DAB1: variants seen among roughly 807,000 people sequenced by gnomAD.
DAB1 encodes the protein disabled homolog 1.
A neutral mutation model predicts 64.6 loss-of-function variants in DAB1; 15 were observed. That is an observed-to-expected ratio of 0.23 (90% CI 0.16 to 0.36). DAB1 has a LOEUF of 0.36. Ranked by LOEUF, DAB1 falls within the 10% of genes least tolerant of loss-of-function variation. DAB1 has a pLI of 1.00. For synonymous variants in DAB1, 235 were observed against 251.9 expected, an observed-to-expected ratio of 0.93 and a Z score of 0.64; for missense variants, 596 against 706.7, an observed-to-expected ratio of 0.84 and a Z score of 1.78.
At chr1:57,447,394 G>A (rs1686181235) in intron 7 of DAB1, among the ~76,000 whole-genome samples, 1 of 152,206 alleles carries the variant, frequency 6.6e-6, no homozygotes, top group Non-Finnish European at 1.5e-5. Context: ...TCTAAAGAGA[G>A]AGATCCTTGT....
At chr1:57,953,363 G>A (rs1645318345) in intron 5 of DAB1, among the ~76,000 whole-genome samples, 1 of 152,136 alleles carries the variant, frequency 6.6e-6, no homozygotes, top group Non-Finnish European at 1.5e-5. Flanking sequence ...TTTGAGTTTT[G>A]TTTATTGCCT....
chr1:58,103,826 G>C (rs1458240799), intron 5 of DAB1, among the ~76,000 whole-genome samples: 3 of 152,004 alleles, frequency 2.0e-5, no homozygotes, highest in Admixed American at 1.3e-4. Flanking sequence ...CAGTCTTTTT[G>C]TCCATTCCTC....
chr1:57,588,622 G>A lies in DAB1; in HGVS notation n.625+60970C>T, dbSNP rs1349138722. Among the ~76,000 whole-genome samples, 3 of 152,104 alleles carry A rather than the reference G, an allele frequency of 2.0e-5. No homozygotes were observed. In the South Asian group the frequency reaches 6.2e-4, roughly 32 times the overall value. ...AATAAAGAAAATCATTTGAATCTTG[G>A]CAAATATTGAAATCTAGAGGCTCAT... On this transcript the variant is annotated intron_variant and non_coding_transcript_variant, in intron 7 of 20. Coordinates refer to the DAB1 transcript ENST00000485760.
At chr1:58,048,274 G>A in intron 5 of DAB1, 2 of 1,285,564 alleles carry the variant, frequency 1.6e-6, no homozygotes, top group Non-Finnish European at 2.2e-6. Flanking sequence ...CACCGCCATA[G>A]GGGCCAGAGC....
At chr1:57,058,757 C>T (rs1027434276) in intron 9 of DAB1, among the ~76,000 whole-genome samples, 3 of 152,220 alleles carry the variant, frequency 2.0e-5, no homozygotes, top group Non-Finnish European at 2.9e-5. Flanking sequence ...CTCAAGGTCA[C>T]ATAGCCAGTA....
intron 6 of DAB1, among the ~76,000 whole-genome samples, chr1:57,776,992 C>T (rs777916955): frequency 2.0e-5 from 3 of 151,168 alleles, no homozygotes; most frequent in Non-Finnish European, 4.4e-5. Context: ...GTATTCTGTA[C>T]TTTTGGCAAC....
intron 6 of DAB1, among the ~76,000 whole-genome samples, chr1:57,809,949 A>AAGTGTTATT (rs1232229842): frequency 1.3e-5 from 2 of 152,168 alleles, no homozygotes; most frequent in Non-Finnish European, 2.9e-5. Flanking sequence ...GCTAATCAGA[A>AAGTGTTATT]AGTGTTATTA....
chr1:58,074,541 T>TATAC lies in DAB1; in HGVS notation n.387+75966_387+75969dup, dbSNP rs1279526370. On this transcript the variant is annotated intron_variant and non_coding_transcript_variant, in intron 5 of 20. Transcript: ENST00000485760. ...ATATATACATATATATATATATATA[T>TATAC]ATACACACATATATATATGTGTGTA... 4.1e-5 allele frequency: 4 copies of TATAC among 97,522 alleles called. 1 individual carries two copies. In the South Asian group the frequency reaches 1.1e-3, roughly 26 times the overall value. The allele number at this position is 97,522 out of a possible 1,614,324, so 6.0% of individuals were successfully genotyped here.
chr1:58,253,258 TTATC>T lies in DAB1; in HGVS notation n.309+90090_309+90093del, dbSNP rs1342928381. Among the ~76,000 whole-genome samples, 7 of 152,326 alleles carry T rather than the reference TTATC, an allele frequency of 4.6e-5. No homozygotes were observed. In the South Asian group the frequency reaches 6.2e-4, roughly 14 times the overall value. On this transcript the variant is annotated intron_variant and non_coding_transcript_variant, in intron 4 of 20. Transcript: ENST00000485760. ...GGAAATGCTCTAAGGATTTGCTCAT[TTATC>T]TATCTATGTTCTTAAATATTGGTAT...
intron 6 of DAB1, among the ~76,000 whole-genome samples, chr1:57,716,138 G>A (rs1647081519): frequency 6.6e-6 from 1 of 152,146 alleles, no homozygotes. Context: ...TCGAACTCCT[G>A]ACCTTGTGAT....
chr1:58,375,661 T>C (rs1167877330), intron 3 of DAB1, among the ~76,000 whole-genome samples: 1 of 142,664 alleles, frequency 7.0e-6, no homozygotes, highest in Non-Finnish European at 1.6e-5. Flanking sequence ...GTTGTGTCTC[T>C]GCCCGGCTTT....
At chr1:58,215,881 T>C (rs1022807826) in intron 4 of DAB1, among the ~76,000 whole-genome samples, 1 of 152,144 alleles carries the variant, frequency 6.6e-6, no homozygotes, top group African/African-American at 2.4e-5. Flanking sequence ...CTCTTGAGAA[T>C]GCAGTTTTAG....
intron 5 of DAB1, among the ~76,000 whole-genome samples, chr1:57,978,688 A>G (rs891089317): frequency 2.0e-5 from 3 of 152,238 alleles, no homozygotes; most frequent in African/African-American, 7.2e-5. Flanking sequence ...GCTAATATCC[A>G]GAATCCACAA....
intron 3 of DAB1, among the ~76,000 whole-genome samples, chr1:58,424,289 C>T (rs1308219499): frequency 6.6e-6 from 1 of 152,204 alleles, no homozygotes; most frequent in Non-Finnish European, 1.5e-5. Context: ...GAGGCCCACC[C>T]ACAGTAAGGA....
rs539002194 is a variant in DAB1, at chr1:57,913,125, C to T, written n.388-28963G>A. On this transcript the variant is annotated intron_variant and non_coding_transcript_variant, in intron 5 of 20. Coordinates refer to the DAB1 transcript ENST00000485760. ...GTTCATATGGAACCAAAAAAGAGCC[C>T]GCATTGCCAAATCAATCCTAAGCCA... Among the ~76,000 whole-genome samples, 138 of 152,230 alleles carry T rather than the reference C, an allele frequency of 9.1e-4. 1 individual carries two copies. In the South Asian group the frequency reaches 0.024, roughly 26 times the overall value.
At chr1:57,667,782 A>G (rs1646465768) in intron 6 of DAB1, among the ~76,000 whole-genome samples, 1 of 152,172 alleles carries the variant, frequency 6.6e-6, no homozygotes, top group Admixed American at 6.5e-5. Context: ...AGGAACAGAA[A>G]ACTAAACGCT....
chr1:57,959,632 T>C (rs537604725), intron 5 of DAB1, among the ~76,000 whole-genome samples: 4 of 152,332 alleles, frequency 2.6e-5, no homozygotes, highest in African/African-American at 9.6e-5. Flanking sequence ...TTTTAAATTA[T>C]CTTGTAGCTC....
chr1:58,089,145 G>C (rs147820094), intron 5 of DAB1, among the ~76,000 whole-genome samples: 32 of 152,270 alleles, frequency 2.1e-4, no homozygotes, highest in African/African-American at 7.7e-4. Flanking sequence ...CCATATCTAA[G>C]GAAAAACACT....
At chr1:57,271,432 G>C (rs1440125178) in intron 2 of DAB1, among the ~76,000 whole-genome samples, 1 of 152,188 alleles carries the variant, frequency 6.6e-6, no homozygotes, top group Non-Finnish European at 1.5e-5. Flanking sequence ...ACTTCTCATT[G>C]TGTGGTGCAA....
Sources: allele counts gnomAD v4.1 joint callset (sites outside exome capture counted in the v4.1 genomes callset), GRCh38; gene constraint gnomAD v4.1.1; transcripts MANE v1.5; gene names NCBI Gene and HGNC (gene_info 2026-07-23, HGNC 2026-07-21).